LRRC28: variants seen among roughly 807,000 people sequenced by gnomAD.
LRRC28 encodes leucine-rich repeat-containing protein 28.
In LRRC28, 39 loss-of-function variants were observed where a neutral mutation model predicts 45.7. That is an observed-to-expected ratio of 0.85 (90% CI 0.66 to 1.12). LRRC28 has a LOEUF of 1.12. LRRC28 is among the 50% of genes most tolerant of loss of function. The probability of loss-of-function intolerance (pLI) is 0.00; values close to 1 mark genes in which losing one functional copy is unlikely to be tolerated. For synonymous variants in LRRC28, 206 were observed against 178.8 expected (o/e 1.15, Z -1.22); for missense variants, 435 against 438.5 (o/e 0.99, Z 0.07).
At chr15:99,324,579 G>T (rs1955907896) in intron 5 of LRRC28, among the ~76,000 whole-genome samples, 1 of 152,138 alleles carries the variant, frequency 6.6e-6, no homozygotes, top group Non-Finnish European at 1.5e-5. Context: ...ACAGAACTAT[G>T]ATTTAAAGGG....
chr15:99,281,587 A>ATTTTTT, intron 3 of LRRC28, among the ~76,000 whole-genome samples: 1 of 152,108 alleles, frequency 6.6e-6, no homozygotes, highest in Non-Finnish European at 1.5e-5. Context: ...GTACTGACTG[A>ATTTTTT]TTTTTCTCCT....
intron 9 of LRRC28, among the ~76,000 whole-genome samples, chr15:99,377,450 C>G (rs1030986776): frequency 3.9e-5 from 6 of 152,094 alleles, no homozygotes; most frequent in East Asian, 3.9e-4. Context: ...TAGCCCTTTG[C>G]CAGATGAGTA....
At chr15:99,320,708 A>G (rs1955766101) in intron 5 of LRRC28, 1 of 152,178 alleles carries the variant, frequency 6.6e-6, no homozygotes, top group Non-Finnish European at 1.5e-5. Flanking sequence ...CCAAAATCAA[A>G]CTATTTCTGG....
intron 5 of LRRC28, among the ~76,000 whole-genome samples, chr15:99,324,267 A>C (rs1955896476): frequency 6.6e-6 from 1 of 152,178 alleles, no homozygotes; most frequent in Non-Finnish European, 1.5e-5. Flanking sequence ...AATGGCATGA[A>C]ATTTAAAACT....
chr15:99,330,826 G>C (rs1216388411), intron 5 of LRRC28, among the ~76,000 whole-genome samples: 1 of 151,740 alleles, frequency 6.6e-6, no homozygotes, highest in Non-Finnish European at 1.5e-5. Flanking sequence ...TTTCATGTTA[G>C]ATAAATATTT....
chr15:99,305,213 A>G (rs867988391), intron 5 of LRRC28, among the ~76,000 whole-genome samples: 2 of 152,232 alleles, frequency 1.3e-5, no homozygotes, highest in Admixed American at 6.5e-5. Flanking sequence ...GGAAGAGTTC[A>G]TCTCTCAGGA....
chr15:99,343,665 G>C (rs1340294565), intron 6 of LRRC28, among the ~76,000 whole-genome samples: 1 of 152,142 alleles, frequency 6.6e-6, no homozygotes, highest in African/African-American at 2.4e-5. Context: ...ATTTTGCACA[G>C]GAACTTTAAA....
Position 99,386,158 on chromosome 15 carries a change from G to C in LRRC28, c.*56G>C, listed in dbSNP as rs1957983699. 2.2e-6 allele frequency: 3 copies of C among 1,347,948 alleles called. No individual in the cohort carries two copies. The highest frequency in any genetic ancestry group is 3.2e-6 in the Non-Finnish European group (3 of 937,276). The allele number at this position is 1,347,948 out of a possible 1,614,324, so 83.5% of individuals were successfully genotyped here. ...AGCTTGACACTGGGGAATCCAGCCA[G>C]TCCAGCACACTCTTCCATCCTGTCC... is the stretch of plus-strand genomic sequence containing the variant. On this transcript the variant is annotated 3_prime_UTR_variant, in exon 10 of 10. Coordinates refer to ENST00000301981, the MANE Select transcript of LRRC28 (RefSeq NM_144598.5).
intron 5 of LRRC28, among the ~76,000 whole-genome samples, chr15:99,314,866 G>A (rs1488230401): frequency 6.6e-6 from 1 of 152,120 alleles, no homozygotes. Flanking sequence ...TTTTTGAAGT[G>A]TGGCTCATGC....
chr15:99,317,850 G>A (rs1457491902), intron 5 of LRRC28, among the ~76,000 whole-genome samples: 1 of 152,110 alleles, frequency 6.6e-6, no homozygotes, highest in African/African-American at 2.4e-5. Flanking sequence ...AAACATACAA[G>A]TTTTATTGTT....
At chr15:99,320,154 A>G (rs914452722) in intron 5 of LRRC28, among the ~76,000 whole-genome samples, 1 of 152,156 alleles carries the variant, frequency 6.6e-6, no homozygotes, top group African/African-American at 2.4e-5. Flanking sequence ...ATTATCTTTT[A>G]TAAATATAGT....
In LRRC28 at chr15:99,341,749, A is replaced by G. The variant is rs531775068; in HGVS notation, c.592+7620A>G. Among the ~76,000 whole-genome samples, 3 of 152,330 alleles carry G rather than the reference A, an allele frequency of 2.0e-5. No individual in the cohort carries two copies. The East Asian group carries it at 5.8e-4, about 29-fold the overall frequency. On this transcript the variant is annotated intron_variant, in intron 6 of 9. Transcript: ENST00000301981. ...AAATAGCAGTATGAGGGCTAGCACCATGAGCAGAATGTTTACCAGGAGAGT... is the reference window on the plus strand; with the variant it reads ...AAATAGCAGTATGAGGGCTAGCACCGTGAGCAGAATGTTTACCAGGAGAGT...
At chr15:99,298,150 G>T (rs543862552) in intron 5 of LRRC28, among the ~76,000 whole-genome samples, 1 of 152,148 alleles carries the variant, frequency 6.6e-6, no homozygotes, top group East Asian at 1.9e-4. Flanking sequence ...TCCAGGGTGC[G>T]TTCCTTTGTG....
At chr15:99,374,136 C>T (rs553848767) in intron 9 of LRRC28, among the ~76,000 whole-genome samples, 31 of 152,164 alleles carry the variant, frequency 2.0e-4, no homozygotes, top group African/African-American at 7.5e-4. Context: ...CTCCAAAAAG[C>T]CTTGTTGAGA....
At chr15:99,298,441 A>T (rs1158150828) in intron 5 of LRRC28, among the ~76,000 whole-genome samples, 3 of 152,216 alleles carry the variant, frequency 2.0e-5, no homozygotes, top group Non-Finnish European at 4.4e-5. Flanking sequence ...CTCATAATCC[A>T]TCATACACAC....
rs973562529 is a variant in LRRC28 at position 99,274,945 on chromosome 15, A to G, written c.169-1631A>G. Among the ~76,000 whole-genome samples, 11 of 152,172 alleles carry G rather than the reference A, an allele frequency of 7.2e-5. No homozygotes were observed. The East Asian group carries it at 9.6e-4, about 13-fold the overall frequency. ...CGGGTCAGACCTAATGTCTTCTAAA[A>G]AGCCATTCCTGATTCATTATTATTG... On this transcript the variant is annotated intron_variant, in intron 2 of 9. Transcript: ENST00000301981.
Position 99,386,014 on chromosome 15 carries a change from CT to C in LRRC28, c.1032-11del. The C allele has an allele frequency of 6.2e-7, 1 of 1,612,116 alleles. No homozygotes were observed. The highest frequency in any genetic ancestry group is 8.5e-7 in the Non-Finnish European group (1 of 1,178,256). On this transcript the variant is annotated splice_polypyrimidine_tract_variant and intron_variant, in intron 9 of 9. Transcript: ENST00000301981. ...TTGAACTCACAGCGTTCTTCTCTCC[CT>C]TTTTCCCCTTCCAGGAAGACAACTG... is the stretch of plus-strand genomic sequence containing the variant.
At chr15:99,360,406 A>G (rs1957168685) in intron 7 of LRRC28, among the ~76,000 whole-genome samples, 2 of 152,210 alleles carry the variant, frequency 1.3e-5, no homozygotes, top group South Asian at 4.1e-4. Flanking sequence ...TTTTCTCCCA[A>G]AGGAAGGGTT....
rs1402188306 is a variant in LRRC28, at chr15:99,303,340, TTATTG to T, written c.385+15397_385+15401del. The stretch of plus-strand genomic sequence containing the variant: ...TTAAATTGAGTTGTTTATTTTCTTA[TTATTG>T]TATTGTAAGAGTTCTTTATGTATAC... On this transcript the variant is annotated intron_variant, in intron 5 of 9. Coordinates refer to ENST00000301981, the MANE Select transcript of LRRC28 (RefSeq NM_144598.5). Among the ~76,000 whole-genome samples, 44 of 152,304 alleles carry T rather than the reference TTATTG, an allele frequency of 2.9e-4. No homozygotes were observed. In the South Asian group the frequency reaches 3.8e-3, roughly 13 times the overall value.
Sources: gnomAD v4.1 joint callset for allele counts (sites outside exome capture counted in the v4.1 genomes callset) on GRCh38, gnomAD v4.1.1 for gene constraint, MANE v1.5 for transcripts, NCBI Gene and HGNC (gene_info 2026-07-23, HGNC 2026-07-21) for gene names.